TMEM150C: variants seen among roughly 807,000 people sequenced by gnomAD.
TMEM150C encodes the protein tentonin 3.
In TMEM150C, 10 loss-of-function variants were observed where a neutral mutation model predicts 29.9. The ratio of observed to expected loss-of-function variants is 0.33; its 90% CI spans 0.21 to 0.57. The LOEUF is 0.57. Among genes scored for constraint, TMEM150C ranks in the 20% least tolerant of loss-of-function variants. The probability of loss-of-function intolerance (pLI) is 0.88; values close to 1 mark genes in which losing one functional copy is unlikely to be tolerated. For missense variants in TMEM150C, 251 were observed against 303.6 expected (o/e 0.83, Z 1.29); for synonymous variants, 101 against 112.5 (o/e 0.90, Z 0.64).
intron 1 of TMEM150C, among the ~76,000 whole-genome samples, chr4:82,509,023 C>A (rs1284434809): frequency 6.6e-6 from 1 of 152,104 alleles, no homozygotes; most frequent in Non-Finnish European, 1.5e-5. Flanking sequence ...AAATGATTTG[C>A]AAAGCTGTTA....
chr4:82,518,802 G>A (rs1487734958), intron 1 of TMEM150C, among the ~76,000 whole-genome samples: 1 of 152,126 alleles, frequency 6.6e-6, no homozygotes, highest in East Asian at 1.9e-4. Context: ...CACCTTTAAA[G>A]CAGCTCTACG....
chr4:82,549,981 G>A (rs185929903), intron 1 of TMEM150C, among the ~76,000 whole-genome samples: 244 of 152,272 alleles, frequency 1.6e-3, no homozygotes, highest in Admixed American at 3.2e-3. Flanking sequence ...CAGGTGATGT[G>A]CTAGTCTTAA....
At chr4:82,518,526 C>T (rs909906399) in intron 1 of TMEM150C, among the ~76,000 whole-genome samples, 1 of 152,204 alleles carries the variant, frequency 6.6e-6, no homozygotes, top group Non-Finnish European at 1.5e-5. Flanking sequence ...TCTTCAGCCG[C>T]CTCTACTTCC....
intron 1 of TMEM150C, among the ~76,000 whole-genome samples, chr4:82,508,750 G>A (rs1724020911): frequency 6.6e-6 from 1 of 152,170 alleles, no homozygotes; most frequent in African/African-American, 2.4e-5. Context: ...ATAGGTGTGA[G>A]CCACTGCACC....
intron 1 of TMEM150C, among the ~76,000 whole-genome samples, chr4:82,559,941 G>A (rs1202154646): frequency 6.6e-6 from 1 of 152,136 alleles, no homozygotes; most frequent in East Asian, 1.9e-4. Flanking sequence ...TACTAAAGAG[G>A]TGTGGGTCAC....
chr4:82,510,161 C>T (rs1724077299), intron 1 of TMEM150C, among the ~76,000 whole-genome samples: 1 of 152,026 alleles, frequency 6.6e-6, no homozygotes, highest in Non-Finnish European at 1.5e-5. Context: ...CGCCTGTAGT[C>T]CCAGCTACTT....
intron 7 of TMEM150C, among the ~76,000 whole-genome samples, chr4:82,489,161 C>G (rs1026151750): frequency 6.6e-6 from 1 of 151,598 alleles, no homozygotes; most frequent in Non-Finnish European, 1.5e-5. Context: ...CTCTGCCTCC[C>G]CAAGTGTTGA....
intron 1 of TMEM150C, among the ~76,000 whole-genome samples, chr4:82,522,412 C>T (rs557454947): frequency 2.6e-5 from 4 of 152,150 alleles, no homozygotes; most frequent in Admixed American, 6.5e-5. Flanking sequence ...CAATTTTATT[C>T]CCTGCTGAGT....
In TMEM150C at chr4:82,483,387, A is replaced by AG. The variant is rs1723056198; in HGVS notation, c.*2123dup. On this transcript the variant is annotated 3_prime_UTR_variant, in exon 8 of 8. Coordinates refer to ENST00000449862, the MANE Select transcript of TMEM150C (RefSeq NM_001080506.3). The stretch of plus-strand genomic sequence containing the variant: ...ATTTTAAAATATAAAAATGAAAAAA[A>AG]GAAACCCAAAAGCAGTATTCAAAAC... The AG allele has an allele frequency of 6.6e-6, 1 of 152,250 alleles. No homozygotes were observed. The highest frequency in any genetic ancestry group is 1.5e-5 in the Non-Finnish European group (1 of 68,038). The allele number at this position is 152,250 out of a possible 1,614,324, so 9.4% of individuals were successfully genotyped here.
At chr4:82,510,152 G>A (rs1040193787) in intron 1 of TMEM150C, among the ~76,000 whole-genome samples, 7 of 151,262 alleles carry the variant, frequency 4.6e-5, no homozygotes, top group African/African-American at 9.7e-5. Context: ...GGTGGCACGC[G>A]CCTGTAGTCC....
chr4:82,510,509 G>A (rs560752065), intron 1 of TMEM150C, among the ~76,000 whole-genome samples: 12 of 152,182 alleles, frequency 7.9e-5, no homozygotes, highest in Admixed American at 7.2e-4. Context: ...GTGTGTCCTT[G>A]GTTAAGTCTT....
chr4:82,562,042 C>G (rs1725957270), upstream of TMEM150C: 1 of 1,157,712 alleles, frequency 8.6e-7, no homozygotes, highest in Non-Finnish European at 1.1e-6. Flanking sequence ...GCCCGGCCCC[C>G]TCCTGCCGCG....
chr4:82,524,102 C>CAAA (rs75621252), intron 1 of TMEM150C, among the ~76,000 whole-genome samples: 11 of 109,482 alleles, frequency 1.0e-4, no homozygotes, highest in African/African-American at 2.5e-4. Flanking sequence ...ACTAAAAATA[C>CAAA]AAAAAAAAAA....
intron 6 of TMEM150C, chr4:82,495,860 A>G: frequency 1.7e-6 from 1 of 603,356 alleles, no homozygotes; most frequent in Non-Finnish European, 2.9e-6. Flanking sequence ...AGTTTCTGGC[A>G]GCCAATGGCT....
intron 1 of TMEM150C, among the ~76,000 whole-genome samples, chr4:82,517,178 A>T (rs1465922184): frequency 6.6e-6 from 1 of 152,216 alleles, no homozygotes; most frequent in Non-Finnish European, 1.5e-5. Flanking sequence ...CTTGTAAATT[A>T]TCAGCCTTCC....
At chr4:82,519,187 T>C (rs955544730) in intron 1 of TMEM150C, among the ~76,000 whole-genome samples, 16 of 152,190 alleles carry the variant, frequency 1.1e-4, no homozygotes, top group African/African-American at 3.9e-4. Context: ...GTTGTAAATC[T>C]ACATTTATCA....
chr4:82,484,745 T>C lies in TMEM150C; in HGVS notation c.*766A>G, dbSNP rs989075855. ...AAAAGAAACTATGAAATATAAAACA[T>C]TGTACATGGCATACTATGAAAGCAA... On this transcript the variant is annotated 3_prime_UTR_variant, in exon 8 of 8. Transcript: ENST00000449862. 6.6e-6 allele frequency: 1 copy of C among 152,172 alleles called. No homozygotes were observed. The highest frequency in any genetic ancestry group is 1.5e-5 in the Non-Finnish European group (1 of 68,044). The allele number at this position is 152,172 out of a possible 1,614,324, so 9.4% of individuals were successfully genotyped here. A position where few individuals can be genotyped will look rare whatever the true frequency, so the allele number is the denominator to read the frequency against.
chr4:82,491,273 C>G, intron 6 of TMEM150C: 1 of 681,088 alleles, frequency 1.5e-6, no homozygotes, highest in East Asian at 2.7e-5. Context: ...TCTTCTCAGC[C>G]TGGGCCAACA....
intron 1 of TMEM150C, among the ~76,000 whole-genome samples, chr4:82,559,248 G>A (rs192446287): frequency 1.3e-5 from 2 of 152,140 alleles, no homozygotes; most frequent in East Asian, 1.9e-4. Flanking sequence ...TCTTCACACG[G>A]ACCCATGTGA....
Sources: gnomAD v4.1 joint callset for allele counts (sites outside exome capture counted in the v4.1 genomes callset) on GRCh38, gnomAD v4.1.1 for gene constraint, MANE v1.5 for transcripts, NCBI Gene and HGNC (gene_info 2026-07-23, HGNC 2026-07-21) for gene names.